SPECC1: variants seen among roughly 807,000 people sequenced by gnomAD.
SPECC1 encodes cytospin-B.
A neutral mutation model predicts 104.1 loss-of-function variants in SPECC1; 62 were observed. The ratio of observed to expected loss-of-function variants is 0.60; its 90% CI spans 0.49 to 0.74. SPECC1 has a LOEUF of 0.74. Ranked by LOEUF, SPECC1 falls within the 30% of genes least tolerant of loss-of-function variation. The pLI, the probability that SPECC1 is intolerant of heterozygous loss-of-function variation, is 0.00. For missense variants in SPECC1, 1,306 were observed against 1,310.5 expected (o/e 1.00, Z 0.05); for synonymous variants, 513 against 501.6 (o/e 1.02, Z -0.30).
At chr17:20,228,435 A>G (rs184287114) in intron 5 of SPECC1, among the ~76,000 whole-genome samples, 50 of 152,316 alleles carry the variant, frequency 3.3e-4, no homozygotes, top group African/African-American at 1.2e-3. Context: ...ATCAGCTTGA[A>G]GGCCACATGT....
At chr17:20,191,594 A>C (rs2035676729) in intron 3 of SPECC1, among the ~76,000 whole-genome samples, 1 of 150,864 alleles carries the variant, frequency 6.6e-6, no homozygotes, top group Admixed American at 6.6e-5. Context: ...TGTTGCACCC[A>C]TCATCAACCT....
intron 3 of SPECC1, among the ~76,000 whole-genome samples, chr17:20,113,306 TG>T (rs2048586351): frequency 2.0e-5 from 3 of 152,174 alleles, no homozygotes; most frequent in Admixed American, 2.0e-4. Flanking sequence ...TAAATAGGCA[TG>T]ATGTGGAAAT....
At position 20,260,180 on chromosome 17, in the gene SPECC1, C is replaced by A; in HGVS notation, c.2838-12C>A. ...CATCTTCTCCTTACCATGTGCTCTT[C>A]TTTCTAACCAGTGTGGAAAGAAAAG... On this transcript the variant is annotated splice_polypyrimidine_tract_variant and intron_variant, in intron 11 of 14. Transcript: ENST00000395527. 6.2e-7 allele frequency: 1 copy of A among 1,607,380 alleles called. No homozygotes were observed. Among genetic ancestry groups the A allele is most frequent in the South Asian group, 1.1e-5 (1 of 90,422 alleles).
At chr17:20,088,773 C>G (rs1230025261) in intron 1 of SPECC1, among the ~76,000 whole-genome samples, 1 of 152,112 alleles carries the variant, frequency 6.6e-6, no homozygotes, top group Non-Finnish European at 1.5e-5. Context: ...GATGTACCCC[C>G]CAAAATTTAT....
At chr17:20,250,751 A>G (rs2039594044) in intron 9 of SPECC1, among the ~76,000 whole-genome samples, 1 of 152,218 alleles carries the variant, frequency 6.6e-6, no homozygotes, top group Admixed American at 6.5e-5. Context: ...GAACATTAAT[A>G]GACAAGAAAA....
At chr17:20,158,126 G>A (rs566401763) in intron 3 of SPECC1, among the ~76,000 whole-genome samples, 1 of 152,268 alleles carries the variant, frequency 6.6e-6, no homozygotes, top group African/African-American at 2.4e-5. Flanking sequence ...TTTACCACAG[G>A]GACTGGGATG....
At chr17:20,150,406 G>A (rs1179476801) in intron 3 of SPECC1, among the ~76,000 whole-genome samples, 2 of 151,510 alleles carry the variant, frequency 1.3e-5, no homozygotes, top group Admixed American at 6.6e-5. Flanking sequence ...TTGGGAGGCC[G>A]AGGCGGGCAG....
intron 10 of SPECC1, among the ~76,000 whole-genome samples, chr17:20,253,865 C>T (rs2039724740): frequency 6.6e-6 from 1 of 151,822 alleles, no homozygotes. Context: ...CATGGTCTTG[C>T]TTTGTTTCCC....
intron 3 of SPECC1, among the ~76,000 whole-genome samples, chr17:20,157,148 C>G (rs991556133): frequency 6.6e-6 from 1 of 152,210 alleles, no homozygotes; most frequent in Non-Finnish European, 1.5e-5. Context: ...GGGTGCCGTG[C>G]TGTAGGACGC....
intron 1 of SPECC1, among the ~76,000 whole-genome samples, chr17:20,019,033 C>T (rs919314369): frequency 6.6e-6 from 1 of 152,018 alleles, no homozygotes; most frequent in African/African-American, 2.4e-5. Flanking sequence ...AATCTAAGTT[C>T]CCAGGTGCCA....
At position 20,270,433 on chromosome 17, in the gene SPECC1, C is replaced by CAAAAAAAA. The variant is rs71157863; in HGVS notation, c.2940+10166_2940+10173dup. Among the ~76,000 whole-genome samples the CAAAAAAAA allele has an allele frequency of 2.1e-4, 9 of 43,574 alleles. 1 individual carries two copies. The highest frequency in any genetic ancestry group is 2.7e-4 in the Non-Finnish European group (7 of 25,726). The allele number at this position is 43,574 out of a possible 152,430, so 28.6% of individuals were successfully genotyped here. ...CAACATAGCAAGGCCCTGTCTTTAC[C>CAAAAAAAA]AAAAAAAAAAAAAAAAAAAAAAAAA... On this transcript the variant is annotated intron_variant, in intron 12 of 14. Transcript: ENST00000395527.
At chr17:20,227,968 G>A (rs530314005) in intron 5 of SPECC1, among the ~76,000 whole-genome samples, 1 of 152,114 alleles carries the variant, frequency 6.6e-6, no homozygotes, top group Non-Finnish European at 1.5e-5. Flanking sequence ...GGGTGACGAG[G>A]GGGGGTGGGT....
intron 7 of SPECC1, among the ~76,000 whole-genome samples, chr17:20,233,704 A>G (rs1271642819): frequency 6.6e-6 from 1 of 152,160 alleles, no homozygotes; most frequent in African/African-American, 2.4e-5. Context: ...TCTGGACACC[A>G]AAGGATGTGA....
chr17:20,297,962 G>T (rs1011557867), intron 13 of SPECC1, among the ~76,000 whole-genome samples: 4 of 152,192 alleles, frequency 2.6e-5, no homozygotes, highest in Admixed American at 2.0e-4. Context: ...AATTAGCAAG[G>T]ATAAGTGGTC....
chr17:20,166,642 G>C (rs139952663), intron 3 of SPECC1, among the ~76,000 whole-genome samples: 1 of 152,176 alleles, frequency 6.6e-6, no homozygotes, highest in African/African-American at 2.4e-5. Context: ...CAAAAGAAAA[G>C]AAACAACAAA....
At position 20,231,879 on chromosome 17, in the gene SPECC1, C is replaced by T. The variant is rs777084222; in HGVS notation, c.2145+48C>T. The T allele has an allele frequency of 3.0e-5, 47 of 1,568,340 alleles. No individual in the cohort carries two copies. In the Middle Eastern group the frequency reaches 6.7e-4, roughly 22 times the overall value. ...CACCACCATCTTCCTATGAATTACC[C>T]GCTCCGAGGTGTGGATCACTCTCTC... is the stretch of plus-strand genomic sequence containing the variant. On this transcript the variant is annotated intron_variant, in intron 6 of 14. Transcript: ENST00000395527.
chr17:20,065,307 A>G lies in SPECC1; in HGVS notation c.-21-31324A>G, dbSNP rs1461345215. On this transcript the variant is annotated intron_variant, in intron 1 of 14. Coordinates refer to ENST00000395527, the MANE Select transcript of SPECC1 (RefSeq NM_001243439.2). ...CCCACAGGGCAAAACTCAGGCCCCA[A>G]GGCTGCCTCCTTCTCCAGTCACCAG... Among the ~76,000 whole-genome samples, 3 of 152,190 alleles carry G rather than the reference A, an allele frequency of 2.0e-5. No individual in the cohort carries two copies. The East Asian group carries it at 5.8e-4, about 29-fold the overall frequency.
intron 1 of SPECC1, among the ~76,000 whole-genome samples, chr17:20,080,280 T>C (rs1397438282): frequency 6.6e-6 from 1 of 152,122 alleles, no homozygotes; most frequent in African/African-American, 2.4e-5. Context: ...GGATTAGATA[T>C]TTAGCTGGCA....
intron 10 of SPECC1, 68 bp downstream of exon 10, chr17:20,253,654 T>G: frequency 7.0e-7 from 1 of 1,420,466 alleles, no homozygotes; most frequent in South Asian, 1.2e-5. Context: ...TTCATTTCTC[T>G]GCATGAAACT....
Sources: gnomAD v4.1 joint callset for allele counts (sites outside exome capture counted in the v4.1 genomes callset) on GRCh38, gnomAD v4.1.1 for gene constraint, MANE v1.5 for transcripts, NCBI Gene and HGNC (gene_info 2026-07-23, HGNC 2026-07-21) for gene names.